Variants in DOP1A observed in about 807,000 individuals in gnomAD.
DOP1A encodes the protein DOP1 leucine zipper like protein A, also known as protein DOP1A.
DOP1A carries 90 observed loss-of-function variants against 267.6 expected under a neutral mutation model. That is an observed-to-expected ratio of 0.34 (90% CI 0.28 to 0.40). The LOEUF is 0.40. Ranked by LOEUF, DOP1A falls within the 10% of genes least tolerant of loss-of-function variation. The probability of loss-of-function intolerance (pLI) is 1.00; values close to 1 mark genes in which losing one functional copy is unlikely to be tolerated. For missense variants in DOP1A, 2,437 were observed against 2,900.4 expected, an observed-to-expected ratio of 0.84 and a Z score of 3.67; for synonymous variants, 932 against 999.1, an observed-to-expected ratio of 0.93 and a Z score of 1.27.
Position 83,132,271 on chromosome 6 carries a change from T to TG in DOP1A, c.2712_2713insG (p.Pro905AlafsTer4). 3 of 1,613,816 alleles carry TG rather than the reference T, an allele frequency of 1.9e-6. No homozygotes were observed. The highest frequency in any genetic ancestry group is 2.5e-6 in the Non-Finnish European group (3 of 1,179,824). ...TATTTTATCAATTACATAACTTAGT[T>TG]CCTTCTTCTAGCATCTGTGAGGATG... is the stretch of plus-strand genomic sequence containing the variant. On this transcript the variant is annotated frameshift_variant, in exon 18 of 39. Coordinates refer to ENST00000349129, the MANE Select transcript of DOP1A (RefSeq NM_015018.4). LOFTEE classifies it high-confidence loss of function.
At chr6:83,163,642 G>A (rs1015452035) in intron 38 of DOP1A, among the ~76,000 whole-genome samples, 7 of 152,084 alleles carry the variant, frequency 4.6e-5, no homozygotes, top group East Asian at 3.9e-4. Flanking sequence ...CTATATAACC[G>A]AATCTAAAGT....
downstream of DOP1A, chr6:83,170,538 G>A (rs1345679999): frequency 2.6e-5 from 34 of 1,319,124 alleles, no homozygotes; most frequent in Non-Finnish European, 3.4e-5. Flanking sequence ...AGCTTAACCT[G>A]TTAAACATAC....
At chr6:83,166,316 AT>A (rs1785558621) in intron 38 of DOP1A, 1 of 652,312 alleles carries the variant, frequency 1.5e-6, no homozygotes, top group South Asian at 1.8e-5. Context: ...GTCATTATCA[AT>A]TTCCGATGAC....
At chr6:83,090,845 A>C (rs1770222427) in intron 1 of DOP1A, among the ~76,000 whole-genome samples, 1 of 152,160 alleles carries the variant, frequency 6.6e-6, no homozygotes, top group Non-Finnish European at 1.5e-5. Context: ...GTATCTTTAC[A>C]CTTCTTTTCT....
intron 38 of DOP1A, chr6:83,166,289 G>A (rs1047014378): frequency 5.0e-6 from 3 of 596,450 alleles, no homozygotes; most frequent in African/African-American, 1.8e-5. Flanking sequence ...GATCAGCTTC[G>A]ATGATGTTCT....
At chr6:83,068,596 CTGTT>C (rs1785090414) in intron 1 of DOP1A, among the ~76,000 whole-genome samples, 1 of 152,168 alleles carries the variant, frequency 6.6e-6, no homozygotes, top group Admixed American at 6.5e-5. Context: ...ATGTAGGAAA[CTGTT>C]TGCCTGACAA....
At chr6:83,150,002 G>T (rs543212065) in intron 27 of DOP1A, among the ~76,000 whole-genome samples, 95 of 152,314 alleles carry the variant, frequency 6.2e-4, no homozygotes, top group African/African-American at 2.1e-3. Flanking sequence ...GTTTGGAGAG[G>T]TAGCAGCACA....
intron 1 of DOP1A, among the ~76,000 whole-genome samples, chr6:83,074,925 G>C (rs1220201404): frequency 6.6e-6 from 1 of 152,204 alleles, no homozygotes; most frequent in Non-Finnish European, 1.5e-5. Flanking sequence ...GGATGAGTTT[G>C]TGTGGATATA....
chr6:83,130,413 T>A lies in DOP1A; in HGVS notation c.2616+16T>A, dbSNP rs778248087. ...ATTTTTCAAGGTAAATTCTAAGAAATGCATATATGACTATGATGATTACAG... is the reference window on the plus strand; with the variant it reads ...ATTTTTCAAGGTAAATTCTAAGAAAAGCATATATGACTATGATGATTACAG... On this transcript the variant is annotated intron_variant, in intron 17 of 38. Transcript: ENST00000349129. 1 of 1,603,534 alleles carries A rather than the reference T, an allele frequency of 6.2e-7. No homozygotes were observed. The highest frequency in any genetic ancestry group is 1.3e-5 in the African/African-American group (1 of 74,612).
In DOP1A at chr6:83,158,192, G is replaced by A. The variant is rs374145255; in HGVS notation, c.6742-375G>A. 7.2e-5 allele frequency among the ~76,000 whole-genome samples: 11 copies of A among 151,928 alleles called. No homozygotes were observed. In the East Asian group the frequency reaches 9.7e-4, roughly 13 times the overall value. On this transcript the variant is annotated intron_variant, in intron 35 of 38. Transcript: ENST00000349129. ...TTTGTTTTGTATTTTTAGTAAAGAC[G>A]GGGTTTCAGCATGTTAGCCAGGATG...
In DOP1A at chr6:83,129,428, T is replaced by C; in HGVS notation, c.2261T>C (p.Phe754Ser). ...GCCTTCCTTGCTGCCTGTCAGCTCT[T>C]CCTAGAGTGCTCAAGTTTCCCAGTT... ...LSAFLAACQL[F>S]LECSSFPVYI... The change falls in exon 16 of 39, where the codon TTC becomes TCC. Residue 754 changes from phenylalanine (F) to serine (S), a missense_variant. By Grantham distance (155) the Phe-to-Ser change is radical. Coordinates refer to ENST00000349129, the MANE Select transcript of DOP1A (RefSeq NM_015018.4). The C allele has an allele frequency of 1.9e-6, 3 of 1,600,616 alleles. No individual in the cohort carries two copies. In the South Asian group the frequency reaches 3.4e-5, roughly 18 times the overall value.
At chr6:83,167,036 T>A (rs959415682) in intron 38 of DOP1A, 1 of 985,348 alleles carries the variant, frequency 1.0e-6, no homozygotes, top group African/African-American at 1.7e-5. Flanking sequence ...GTAGCTGTGT[T>A]TGTGTAATTC....
At chr6:83,123,759 G>A (rs1035225427) in intron 12 of DOP1A, among the ~76,000 whole-genome samples, 5 of 152,010 alleles carry the variant, frequency 3.3e-5, no homozygotes, top group Non-Finnish European at 5.9e-5. Flanking sequence ...AGACATGCAC[G>A]CGTATATTCC....
rs1412252737 is a variant in DOP1A at position 83,138,553 on chromosome 6, TAGAA to T, written c.4514_4517del (p.Glu1505AlafsTer22). On this transcript the variant is annotated frameshift_variant, in exon 21 of 39. Coordinates refer to ENST00000349129, the MANE Select transcript of DOP1A (RefSeq NM_015018.4). LOFTEE classifies it high-confidence loss of function. ...CTCTTCACTGAGCTGGCAAAAGTAATAGAAAGCTCAGCGAAGGGTTTCCCTAGTT... is the reference window on the plus strand; with the variant it reads ...CTCTTCACTGAGCTGGCAAAAGTAATAGCTCAGCGAAGGGTTTCCCTAGTT... 2 of 1,613,856 alleles carry T rather than the reference TAGAA, an allele frequency of 1.2e-6. No homozygotes were observed. Among genetic ancestry groups the T allele is most frequent in the Non-Finnish European group, 1.7e-6 (2 of 1,179,936 alleles).
intron 3 of DOP1A, among the ~76,000 whole-genome samples, chr6:83,099,678 ATATG>A (rs1242531505): frequency 1.2e-4 from 16 of 135,952 alleles, no homozygotes; most frequent in Admixed American, 2.3e-4. Context: ...CAAGGATTGC[ATATG>A]TGTGTGTGTG....
rs371292905 is a variant in DOP1A at position 83,085,891 on chromosome 6, A to G, written c.-146-10840A>G. ...TTGACAGGTTTTAGGCAAAGGAATG[A>G]CATAATGTGTCTCTGGCTTCTCTGT... On this transcript the variant is annotated intron_variant, in intron 1 of 38. Transcript: ENST00000349129. Among the ~76,000 whole-genome samples, 4 of 152,180 alleles carry G rather than the reference A, an allele frequency of 2.6e-5. No individual in the cohort carries two copies. The East Asian group carries it at 7.7e-4, about 29-fold the overall frequency.
intron 24 of DOP1A, among the ~76,000 whole-genome samples, chr6:83,143,759 T>C (rs1174032936): frequency 6.6e-6 from 1 of 152,066 alleles, no homozygotes; most frequent in Admixed American, 6.5e-5. Flanking sequence ...AGAGGAGTGA[T>C]ACTAGAGACC....
chr6:83,129,236 A>C lies in DOP1A; in HGVS notation c.2069A>C (p.Asn690Thr), dbSNP rs188246058. The change falls in exon 16 of 39, where the codon AAC becomes ACC. Residue 690 changes from asparagine (N) to threonine (T), a missense_variant. By Grantham distance (65) the Asn-to-Thr change is moderately conservative (BLOSUM62 0). Coordinates refer to ENST00000349129, the MANE Select transcript of DOP1A (RefSeq NM_015018.4). ...YVQQFLTRLI[N>T]LYIIQNNSFS... ...CAACAGTTTCTTACCAGACTTATCA[A>C]CCTCTACATCATTCAGAATAACTCT... The C allele has an allele frequency of 8.3e-5, 134 of 1,613,550 alleles. 2 individuals are homozygous for C. The East Asian group carries it at 2.1e-3, about 26-fold the overall frequency.
intron 26 of DOP1A, among the ~76,000 whole-genome samples, chr6:83,148,399 G>A (rs995023352): frequency 6.6e-6 from 1 of 151,928 alleles, no homozygotes. Context: ...GGGCAACAGA[G>A]TGAGACTCCA....
Sources: allele counts gnomAD v4.1 joint callset (sites outside exome capture counted in the v4.1 genomes callset), GRCh38; gene constraint gnomAD v4.1.1; transcripts MANE v1.5; gene names NCBI Gene and HGNC (gene_info 2026-07-23, HGNC 2026-07-21).